TAF3: variants seen among roughly 807,000 people sequenced by gnomAD.
TAF3 encodes TATA-box binding protein associated factor 3.
Under a neutral mutation model 80.6 loss-of-function variants are expected in TAF3, and 7 were observed. That is an observed-to-expected ratio of 0.09 (90% CI 0.05 to 0.16). TAF3 has a LOEUF of 0.16. TAF3 is among the 10% of genes least tolerant of loss of function. The probability of loss-of-function intolerance (pLI) is 1.00; values close to 1 mark genes in which losing one functional copy is unlikely to be tolerated. For synonymous variants in TAF3, 444 were observed against 446.1 expected (o/e 1.00, Z 0.06); for missense variants, 921 against 1,140.2 (o/e 0.81, Z 2.77).
chr10:7,824,681 A>C, intron 2 of TAF3, 121 bp downstream of exon 2: 1 of 1,271,296 alleles, frequency 7.9e-7, no homozygotes, highest in Non-Finnish European at 1.1e-6. Context: ...ATTTACTGTT[A>C]CTTACAAATT....
rs781251818 is a variant in TAF3, at chr10:7,830,762, G to A, written c.409+6202G>A. 4.4e-4 allele frequency among the ~76,000 whole-genome samples: 67 copies of A among 152,080 alleles called. 2 individuals are homozygous for A. Among genetic ancestry groups the A allele is most frequent in the Non-Finnish European group, 7.4e-5 (5 of 68,024 alleles). On this transcript the variant is annotated intron_variant, in intron 2 of 6. Coordinates refer to ENST00000344293, the MANE Select transcript of TAF3 (RefSeq NM_031923.4). ...GCCTCCCAAAGTGCTGGGATTCCAG[G>A]CGTGAGCCACCCCGCCCAACCATGT...
chr10:7,826,959 C>T (rs1198253619), intron 2 of TAF3, among the ~76,000 whole-genome samples: 1 of 152,134 alleles, frequency 6.6e-6, no homozygotes, highest in Non-Finnish European at 1.5e-5. Context: ...TCACCATGCT[C>T]TTTATTTTCC....
intron 2 of TAF3, among the ~76,000 whole-genome samples, chr10:7,895,380 A>C (rs1039073306): frequency 6.6e-6 from 1 of 152,168 alleles, no homozygotes; most frequent in African/African-American, 2.4e-5. Flanking sequence ...TTCTCTTCTG[A>C]AGCCAGCAGA....
chr10:7,964,816 GCTTCCA>G lies in TAF3; in HGVS notation c.1312_1317del (p.Thr438_Ser439del), dbSNP rs1256872241. ...AGGCCCGGAGTGTACTACTCCCAAA[GCTTCCA>G]CTTCCGCGAACAATTTCACAAAGTC... On this transcript the variant is annotated inframe_deletion, in exon 3 of 7. Coordinates refer to ENST00000344293, the MANE Select transcript of TAF3 (RefSeq NM_031923.4). The surrounding 1 kb of genome is among the most constrained non-coding windows in gnomAD (Gnocchi z 4.1). 3 of 1,614,014 alleles carry G rather than the reference GCTTCCA, an allele frequency of 1.9e-6. No individual in the cohort carries two copies. In the Admixed American group the frequency reaches 5.0e-5, roughly 27 times the overall value.
rs145576525 is a variant in TAF3, at chr10:7,861,396, G to A, written c.409+36836G>A. Reference sequence around the variant, plus strand: ...GCTGGGATTACAAGCATGAGCCACCGCACCCAGCCAACAGGAGCCTTTTCA... The same window carrying A: ...GCTGGGATTACAAGCATGAGCCACCACACCCAGCCAACAGGAGCCTTTTCA... On this transcript the variant is annotated intron_variant, in intron 2 of 6. Coordinates refer to ENST00000344293, the MANE Select transcript of TAF3 (RefSeq NM_031923.4). Among the ~76,000 whole-genome samples the A allele has an allele frequency of 4.5e-3, 685 of 152,210 alleles. 2 individuals carry two copies. The highest frequency in any genetic ancestry group is 0.01 in the Middle Eastern group (3 of 294).
chr10:7,983,636 A>G (rs1368944878), intron 4 of TAF3, among the ~76,000 whole-genome samples: 1 of 152,222 alleles, frequency 6.6e-6, no homozygotes, highest in Non-Finnish European at 1.5e-5. Context: ...TTAACTTGCT[A>G]CAGAAACTGA....
At chr10:7,883,104 C>G (rs1276957865) in intron 2 of TAF3, among the ~76,000 whole-genome samples, 1 of 152,202 alleles carries the variant, frequency 6.6e-6, no homozygotes, top group South Asian at 2.1e-4. Context: ...ACAAGCTACA[C>G]TGAGATTACA....
intron 2 of TAF3, among the ~76,000 whole-genome samples, chr10:7,920,299 CGT>C (rs60287426): frequency 0.04 from 4,095 of 101,134 alleles, 77 homozygotes; most frequent in African/African-American, 0.069. Flanking sequence ...TTTAAACATA[CGT>C]GTGTGTGTGT....
chr10:7,843,196 T>C (rs1227753041), intron 2 of TAF3, among the ~76,000 whole-genome samples: 1 of 152,088 alleles, frequency 6.6e-6, no homozygotes, highest in Non-Finnish European at 1.5e-5. Context: ...CAGCCTCAAA[T>C]TCCCAGACTC....
chr10:7,850,143 A>G (rs1412281759), intron 2 of TAF3, among the ~76,000 whole-genome samples: 3 of 152,246 alleles, frequency 2.0e-5, no homozygotes, highest in Non-Finnish European at 4.4e-5. Flanking sequence ...GCCAATAGCA[A>G]CAAAACTCAG....
intron 4 of TAF3, among the ~76,000 whole-genome samples, chr10:8,003,820 A>G (rs1384866791): frequency 1.3e-5 from 2 of 152,152 alleles, no homozygotes; most frequent in African/African-American, 4.8e-5. Flanking sequence ...CTGAGGCAGG[A>G]GGATTGCTTG....
chr10:7,941,124 C>G (rs910459873), intron 2 of TAF3, among the ~76,000 whole-genome samples: 1 of 152,112 alleles, frequency 6.6e-6, no homozygotes, highest in Non-Finnish European at 1.5e-5. Flanking sequence ...AAATATGAAG[C>G]TGAAGGTAAG....
At chr10:7,952,244 T>A (rs1256172228) in intron 2 of TAF3, among the ~76,000 whole-genome samples, 1 of 152,118 alleles carries the variant, frequency 6.6e-6, no homozygotes, top group Non-Finnish European at 1.5e-5. Flanking sequence ...TCTGAAGAGA[T>A]CTACTTGTAT....
At chr10:7,923,058 G>A (rs1837779762) in intron 2 of TAF3, among the ~76,000 whole-genome samples, 1 of 151,924 alleles carries the variant, frequency 6.6e-6, no homozygotes, top group Non-Finnish European at 1.5e-5. Context: ...ATTATTAAAA[G>A]TTTTTTCTTT....
intron 2 of TAF3, among the ~76,000 whole-genome samples, chr10:7,903,645 T>A (rs892602553): frequency 1.3e-5 from 2 of 152,196 alleles, no homozygotes; most frequent in African/African-American, 4.8e-5. Flanking sequence ...GCACCATATA[T>A]GAAAAATTAG....
intron 4 of TAF3, among the ~76,000 whole-genome samples, chr10:8,003,447 C>A (rs1435519799): frequency 1.3e-5 from 2 of 152,092 alleles, no homozygotes; most frequent in Non-Finnish European, 2.9e-5. Context: ...CTTGGAAGAT[C>A]TTTATAAGTC....
chr10:7,833,246 G>A (rs1022075543), intron 2 of TAF3, among the ~76,000 whole-genome samples: 3 of 152,128 alleles, frequency 2.0e-5, no homozygotes, highest in South Asian at 2.1e-4. Context: ...TGGATTATAT[G>A]GTAATTCTAT....
At chr10:7,900,136 C>CG (rs1837544730) in intron 2 of TAF3, among the ~76,000 whole-genome samples, 2 of 152,202 alleles carry the variant, frequency 1.3e-5, no homozygotes, top group African/African-American at 4.8e-5. Flanking sequence ...ACTGCTACAA[C>CG]TTAGAATAGT....
intron 2 of TAF3, among the ~76,000 whole-genome samples, chr10:7,897,339 A>G (rs1485529485): frequency 6.6e-6 from 1 of 152,222 alleles, no homozygotes; most frequent in Non-Finnish European, 1.5e-5. Context: ...TTTACTTTCC[A>G]GTAGAATTTT....
Sources: allele counts gnomAD v4.1 joint callset (sites outside exome capture counted in the v4.1 genomes callset), GRCh38; gene constraint gnomAD v4.1.1; non-coding constraint Gnocchi (gnomAD v3.1); transcripts MANE v1.5; gene names NCBI Gene and HGNC (gene_info 2026-07-23, HGNC 2026-07-21).